MERTK: variants seen among roughly 807,000 people sequenced by gnomAD.
MERTK encodes the protein MER proto-oncogene, tyrosine kinase, also known as tyrosine-protein kinase Mer.
MERTK carries 69 observed loss-of-function variants against 99.3 expected under a neutral mutation model. The observed-to-expected ratio is 0.70, with a 90% confidence interval of 0.57 to 0.85. The LOEUF is 0.85. Ranked by LOEUF, MERTK falls within the 40% of genes least tolerant of loss-of-function variation. The pLI, the probability that MERTK is intolerant of heterozygous loss-of-function variation, is 0.00. For synonymous variants in MERTK, 426 were observed against 467.6 expected (o/e 0.91, Z 1.15); for missense variants, 1,125 against 1,249.4 (o/e 0.90, Z 1.50).
intron 18 of MERTK, 135 bp downstream of exon 18, chr2:112,022,529 A>C (rs1158576332): frequency 1.6e-6 from 2 of 1,261,616 alleles, no homozygotes; most frequent in Non-Finnish European, 2.3e-6. Flanking sequence ...GAGGGGTGGA[A>C]CCCACAGACA....
rs150651087 is a variant in MERTK, at chr2:111,934,288, G to A, written c.482+4748G>A. ...GTATTTCTGGTTCTAGATCCTTGAG[G>A]AATTGCCACACTATCTTCCACAAAG... On this transcript the variant is annotated intron_variant, in intron 2 of 18. Transcript: ENST00000295408. Among the ~76,000 whole-genome samples the A allele has an allele frequency of 4.3e-4, 65 of 152,290 alleles. No homozygotes were observed. In the East Asian group the frequency reaches 0.012, roughly 27 times the overall value.
At chr2:111,930,757 C>A (rs1270487810) in intron 2 of MERTK, among the ~76,000 whole-genome samples, 1 of 152,180 alleles carries the variant, frequency 6.6e-6, no homozygotes, top group Non-Finnish European at 1.5e-5. Flanking sequence ...ACTCTGTTTT[C>A]CCAGGGACCC....
At chr2:111,964,501 C>T (rs1685323561) in intron 4 of MERTK, among the ~76,000 whole-genome samples, 1 of 152,164 alleles carries the variant, frequency 6.6e-6, no homozygotes, top group Non-Finnish European at 1.5e-5. Flanking sequence ...GAGAATCAGC[C>T]ATTTCTCCAA....
At chr2:112,016,300 C>T (rs1267708885) in intron 15 of MERTK, among the ~76,000 whole-genome samples, 1 of 152,020 alleles carries the variant, frequency 6.6e-6, no homozygotes, top group Non-Finnish European at 1.5e-5. Flanking sequence ...CAAAAAAATA[C>T]AAGTGTATTT....
intron 1 of MERTK, among the ~76,000 whole-genome samples, chr2:111,906,873 CCTT>C (rs1553444201): frequency 6.6e-6 from 1 of 152,228 alleles, no homozygotes; most frequent in Non-Finnish European, 1.5e-5. Context: ...AGTGTGTCCT[CCTT>C]CTAAAACTCC....
intron 1 of MERTK, among the ~76,000 whole-genome samples, chr2:111,919,560 C>G (rs1273297285): frequency 6.6e-6 from 1 of 151,956 alleles, no homozygotes; most frequent in Non-Finnish European, 1.5e-5. Flanking sequence ...TGCATTGGTG[C>G]CCCCCATGGT....
chr2:111,903,706 G>C (rs930465690), intron 1 of MERTK, among the ~76,000 whole-genome samples: 2 of 152,206 alleles, frequency 1.3e-5, no homozygotes, highest in Non-Finnish European at 1.5e-5. Context: ...TGGAATGAAA[G>C]TGTTAACCGG....
intron 7 of MERTK, among the ~76,000 whole-genome samples, chr2:111,980,639 C>T (rs1369161984): frequency 7.2e-5 from 11 of 151,994 alleles, no homozygotes; most frequent in African/African-American, 2.2e-4. Context: ...AGGATGGTCT[C>T]GATCTCCTGA....
chr2:111,918,365 A>G (rs1445935034), intron 1 of MERTK, among the ~76,000 whole-genome samples: 1 of 152,330 alleles, frequency 6.6e-6, no homozygotes, highest in South Asian at 2.1e-4. Flanking sequence ...TAATTTACGT[A>G]CTGGTAGGCT....
chr2:111,996,629 G>A (rs564785773), intron 9 of MERTK: 6 of 157,468 alleles, frequency 3.8e-5, no homozygotes, highest in African/African-American at 9.6e-5. Flanking sequence ...GTGAACCAGC[G>A]GTCCTTAGTG....
intron 4 of MERTK, among the ~76,000 whole-genome samples, chr2:111,949,697 T>G (rs1032826298): frequency 6.6e-5 from 10 of 152,162 alleles, no homozygotes; most frequent in African/African-American, 2.2e-4. Context: ...GGTCAAGATA[T>G]AGAATATTGC....
At chr2:111,920,322 C>T (rs1318338376) in intron 1 of MERTK, among the ~76,000 whole-genome samples, 1 of 152,134 alleles carries the variant, frequency 6.6e-6, no homozygotes, top group Non-Finnish European at 1.5e-5. Flanking sequence ...CACTGCCCAG[C>T]CATTTACTTC....
chr2:112,018,686 TG>T (rs1677267916), intron 15 of MERTK, among the ~76,000 whole-genome samples: 1 of 152,170 alleles, frequency 6.6e-6, no homozygotes, highest in Non-Finnish European at 1.5e-5. Context: ...AATTACTACA[TG>T]GAAGTTTTAT....
At chr2:111,986,235 C>G (rs1434750857) in intron 8 of MERTK, among the ~76,000 whole-genome samples, 1 of 152,192 alleles carries the variant, frequency 6.6e-6, no homozygotes, top group African/African-American at 2.4e-5. Flanking sequence ...GAGAAGCAGC[C>G]TTTCCTTTTG....
At chr2:112,008,546 A>G (rs747813140) in intron 14 of MERTK, 71 bp downstream of exon 14, 1 of 1,144,358 alleles carries the variant, frequency 8.7e-7, no homozygotes, top group African/African-American at 1.5e-5. Flanking sequence ...AAAGGAAAAA[A>G]TCTCTGGTGT....
At chr2:111,959,696 C>G (rs941982320) in intron 4 of MERTK, among the ~76,000 whole-genome samples, 4 of 152,018 alleles carry the variant, frequency 2.6e-5, no homozygotes, top group Non-Finnish European at 4.4e-5. Flanking sequence ...GGTGGGGCAA[C>G]TTCTGGACTT....
chr2:111,982,882 T>A lies in MERTK; in HGVS notation c.1185T>A (p.Asn395Lys). Residue 395 changes from asparagine (N) to lysine (K), a missense_variant, in exon 8 of 19, where the codon AAT (asparagine) becomes AAA (lysine). By Grantham distance (94) the Asn-to-Lys change is moderately conservative. Coordinates refer to ENST00000295408, the MANE Select transcript of MERTK (RefSeq NM_006343.3). ...VAPLNVTVFL[N>K]ESSDNVDIRW... ...CTTTAAATGTCACTGTGTTTCTGAA[T>A]GAATCTAGTGATAATGTGGACATCA... The A allele has an allele frequency of 6.2e-7, 1 of 1,614,132 alleles. No individual in the cohort carries two copies. Among genetic ancestry groups the A allele is most frequent in the South Asian group, 1.1e-5 (1 of 91,084 alleles).
chr2:111,937,254 G>A (rs949007641), intron 2 of MERTK, among the ~76,000 whole-genome samples: 1 of 151,296 alleles, frequency 6.6e-6, no homozygotes, highest in East Asian at 1.9e-4. Flanking sequence ...AGACCAGCCC[G>A]AGCAACACAA....
At position 111,937,837 on chromosome 2, in the gene MERTK, G is replaced by A. The variant is rs913415576; in HGVS notation, c.483-7123G>A. Among the ~76,000 whole-genome samples, 8 of 152,154 alleles carry A rather than the reference G, an allele frequency of 5.3e-5. No homozygotes were observed. The East Asian group carries it at 1.4e-3, about 26-fold the overall frequency. On this transcript the variant is annotated intron_variant, in intron 2 of 18. Transcript: ENST00000295408. ...CTTACCCTGTCGGCACCATGTGAAC[G>A]GTGGCAGGTAAAAACAGGGCGCTTA...
Sources: gnomAD v4.1 joint callset for allele counts (sites outside exome capture counted in the v4.1 genomes callset) on GRCh38, gnomAD v4.1.1 for gene constraint, MANE v1.5 for transcripts, NCBI Gene and HGNC (gene_info 2026-07-23, HGNC 2026-07-21) for gene names.